Variants in ABL1 observed in about 807,000 individuals in gnomAD.
The protein encoded by ABL1 is tyrosine-protein kinase ABL1.
ABL1 carries 11 observed loss-of-function variants against 94.7 expected under a neutral mutation model. The ratio of observed to expected loss-of-function variants is 0.12; its 90% confidence interval spans 0.07 to 0.19. The LOEUF (loss-of-function observed/expected upper bound fraction) is 0.19, where lower values mean the gene tolerates loss of function less well. Ranked by LOEUF, ABL1 falls within the 10% of genes least tolerant of loss-of-function variation. ABL1 has a pLI of 1.00. For synonymous variants in ABL1, 656 were observed against 622.4 expected, an observed-to-expected ratio of 1.05 and a Z score of -0.80; for missense variants, 1,082 against 1,489.4, an observed-to-expected ratio of 0.73 and a Z score of 4.50.
At chr9:130,837,868 C>T (rs1375832623) in intron 1 of ABL1, among the ~76,000 whole-genome samples, 1 of 152,164 alleles carries the variant, frequency 6.6e-6, no homozygotes, top group South Asian at 2.1e-4. Context: ...TGTTTATTGA[C>T]GCCCACTCAG....
At chr9:130,810,053 AG>A (rs1830186615) in intron 1 of ABL1, among the ~76,000 whole-genome samples, 1 of 152,356 alleles carries the variant, frequency 6.6e-6, no homozygotes, top group African/African-American at 2.4e-5. Flanking sequence ...CAGAATTACT[AG>A]GTATGAGCAG....
intron 1 of ABL1, among the ~76,000 whole-genome samples, chr9:130,725,824 GTTTTTTTTTTTT>G (rs34517462): frequency 5.3e-5 from 4 of 76,006 alleles, no homozygotes; most frequent in Admixed American, 4.3e-4. Context: ...GTGTATGGTG[GTTTTTTTTTTTT>G]TTTTTTTTTT....
chr9:130,861,693 G>A lies in ABL1; in HGVS notation c.550-1070G>A, dbSNP rs1054517463. On this transcript the variant is annotated intron_variant, in intron 3 of 10. Coordinates refer to ENST00000318560, the MANE Select transcript of ABL1 (RefSeq NM_005157.6). Reference sequence around the variant, plus strand: ...TCCCACATCTTTGCAGTTTGGGCAAGTCTTCTGAATGCCTAGTCATGATTT... The same window carrying A: ...TCCCACATCTTTGCAGTTTGGGCAAATCTTCTGAATGCCTAGTCATGATTT... Among the ~76,000 whole-genome samples, 3 of 152,138 alleles carry A rather than the reference G, an allele frequency of 2.0e-5. No individual in the cohort carries two copies. In the East Asian group the frequency reaches 5.8e-4, roughly 29 times the overall value.
At chr9:130,759,914 T>C (rs1832088580) in intron 1 of ABL1, among the ~76,000 whole-genome samples, 1 of 151,814 alleles carries the variant, frequency 6.6e-6, no homozygotes, top group Non-Finnish European at 1.5e-5. Context: ...CATCTCAGCC[T>C]CTCAACTAGC....
chr9:130,756,796 A>G (rs983430621), intron 1 of ABL1, among the ~76,000 whole-genome samples: 2 of 152,148 alleles, frequency 1.3e-5, no homozygotes, highest in Non-Finnish European at 2.9e-5. Flanking sequence ...TATCCTCTTT[A>G]ACTTGGCTAT....
chr9:130,855,586 G>T (rs1172543798), intron 3 of ABL1, among the ~76,000 whole-genome samples: 1 of 152,076 alleles, frequency 6.6e-6, no homozygotes, highest in Non-Finnish European at 1.5e-5. Flanking sequence ...GTGCATACAC[G>T]CATGCAGTTT....
chr9:130,766,421 T>C (rs893681151), intron 1 of ABL1, among the ~76,000 whole-genome samples: 2 of 152,124 alleles, frequency 1.3e-5, no homozygotes, highest in Non-Finnish European at 2.9e-5. Flanking sequence ...TGGTGGCTTC[T>C]GACAGGGAGC....
chr9:130,745,141 A>G (rs892426165), intron 1 of ABL1, among the ~76,000 whole-genome samples: 8 of 150,166 alleles, frequency 5.3e-5, no homozygotes, highest in Non-Finnish European at 1.2e-4. Context: ...CTGGAGGGCA[A>G]TGGTGTGATC....
At chr9:130,852,640 TTTA>T (rs561598406) in intron 1 of ABL1, among the ~76,000 whole-genome samples, 110 of 152,300 alleles carry the variant, frequency 7.2e-4, no homozygotes, top group African/African-American at 2.4e-3. Context: ...ACACGTTGTC[TTTA>T]TCACAAAGAA....
chr9:130,882,405 G>C (rs1831473597), intron 10 of ABL1, among the ~76,000 whole-genome samples: 2 of 152,154 alleles, frequency 1.3e-5, no homozygotes, highest in African/African-American at 4.8e-5. Flanking sequence ...CCCGCGTGCT[G>C]CCTTGGGTTC....
intron 1 of ABL1, among the ~76,000 whole-genome samples, chr9:130,787,051 A>G (rs899858821): frequency 2.6e-5 from 4 of 152,132 alleles, no homozygotes; most frequent in African/African-American, 4.8e-5. Context: ...AGGCTCTGCA[A>G]TATTCCTTGC....
intron 1 of ABL1, among the ~76,000 whole-genome samples, chr9:130,822,703 G>C (rs1193327551): frequency 1.3e-5 from 2 of 151,766 alleles, no homozygotes. Context: ...TTCATCTTTG[G>C]TGACCTGTCA....
chr9:130,874,189 T>A (rs1831303363), intron 6 of ABL1, among the ~76,000 whole-genome samples: 1 of 152,190 alleles, frequency 6.6e-6, no homozygotes, highest in Admixed American at 6.5e-5. Flanking sequence ...GTTTGCCTTG[T>A]GATTTCATGG....
intron 1 of ABL1, among the ~76,000 whole-genome samples, chr9:130,756,598 G>A (rs967948575): frequency 1.3e-5 from 2 of 152,062 alleles, no homozygotes; most frequent in Admixed American, 6.6e-5. Flanking sequence ...AAGGCAGCTC[G>A]ATAGCATTTT....
In ABL1 at chr9:130,746,434, G is replaced by A. The variant is rs35772079; in HGVS notation, c.136+31979G>A. On this transcript the variant is annotated intron_variant, in intron 1 of 10. Transcript: ENST00000372348. ...TTCCATAATCCCAATAACTTTCTTC[G>A]TGCTATTCTGCTCTCCTGCCTCCTG... 1.9e-3 allele frequency among the ~76,000 whole-genome samples: 281 copies of A among 151,158 alleles called. 3 individuals are homozygous for A. The highest frequency in any genetic ancestry group is 4.0e-3 in the South Asian group (19 of 4,774).
At chr9:130,777,523 G>A (rs937546607) in intron 1 of ABL1, among the ~76,000 whole-genome samples, 1 of 147,452 alleles carries the variant, frequency 6.8e-6, no homozygotes, top group Non-Finnish European at 1.5e-5. Flanking sequence ...GAACCTCTCA[G>A]GGCTTTGTGT....
chr9:130,717,922 A>G (rs1196940401), intron 1 of ABL1, among the ~76,000 whole-genome samples: 1 of 151,992 alleles, frequency 6.6e-6, no homozygotes, highest in Non-Finnish European at 1.5e-5. Flanking sequence ...CTGAGGCAGG[A>G]GAATTGCTTG....
chr9:130,818,131 T>G (rs1330126676), intron 1 of ABL1, among the ~76,000 whole-genome samples: 2 of 152,178 alleles, frequency 1.3e-5, no homozygotes, highest in Non-Finnish European at 2.9e-5. Flanking sequence ...CTCTATTCTC[T>G]TAACAGTATC....
At chr9:130,788,389 C>T (rs4602941) in intron 1 of ABL1, among the ~76,000 whole-genome samples, 37,426 of 152,040 alleles carry the variant, frequency 0.25, 6,123 homozygotes, top group African/African-American at 0.48. Flanking sequence ...GGGAGTAGGT[C>T]ACAACATTTT....
Sources: gnomAD v4.1 joint callset for allele counts (sites outside exome capture counted in the v4.1 genomes callset) on GRCh38, gnomAD v4.1.1 for gene constraint, MANE v1.5 for transcripts, NCBI Gene and HGNC (gene_info 2026-07-23, HGNC 2026-07-21) for gene names.